EVL: variants seen among roughly 807,000 people sequenced by gnomAD.
EVL encodes Enah/Vasp-like.
A neutral mutation model predicts 59.6 loss-of-function variants in EVL; 21 were observed. The ratio of observed to expected loss-of-function variants is 0.35; its 90% CI spans 0.25 to 0.51. EVL has a LOEUF of 0.51. Ranked by LOEUF, EVL falls within the 20% of genes least tolerant of loss-of-function variation. EVL has a pLI of 0.97. For synonymous variants in EVL, 198 were observed against 203.5 expected, an observed-to-expected ratio of 0.97 and a Z score of 0.23; for missense variants, 462 against 546.6, an observed-to-expected ratio of 0.85 and a Z score of 1.54.
At chr14:99,997,877 C>G (rs1294637906) in intron 1 of EVL, among the ~76,000 whole-genome samples, 1 of 152,110 alleles carries the variant, frequency 6.6e-6, no homozygotes, top group Non-Finnish European at 1.5e-5. Context: ...CTTTCTGTTA[C>G]CAAGCATGAT....
intron 1 of EVL, among the ~76,000 whole-genome samples, chr14:99,978,375 C>T (rs1423140819): frequency 4.4e-5 from 6 of 137,318 alleles, no homozygotes; most frequent in African/African-American, 1.6e-4. Flanking sequence ...GCACTCCAGC[C>T]TGGGCGACAG....
intron 1 of EVL, among the ~76,000 whole-genome samples, chr14:100,045,761 C>A (rs555199372): frequency 2.0e-5 from 3 of 152,318 alleles, no homozygotes; most frequent in African/African-American, 7.2e-5. Flanking sequence ...AAAGCTAAAT[C>A]AGCCAGTGGT....
At chr14:100,029,116 GT>G (rs374954108) in intron 1 of EVL, among the ~76,000 whole-genome samples, 60 of 152,306 alleles carry the variant, frequency 3.9e-4, no homozygotes, top group Non-Finnish European at 7.8e-4. Context: ...CAAATGCCGT[GT>G]TTTAAAACAG....
chr14:100,024,885 C>T (rs1356813372), intron 1 of EVL, among the ~76,000 whole-genome samples: 1 of 152,076 alleles, frequency 6.6e-6, no homozygotes, highest in East Asian at 1.9e-4. Flanking sequence ...CAACTCCTTC[C>T]TTCTAGTTGT....
chr14:100,141,930 C>A (rs1889195441), intron 13 of EVL, 137 bp downstream of exon 13: 3 of 647,616 alleles, frequency 4.6e-6, no homozygotes, highest in South Asian at 6.1e-5. Context: ...TTCATTCTTA[C>A]CATCTCTAGT....
At chr14:100,142,406 C>T (rs934575924) in intron 13 of EVL, among the ~76,000 whole-genome samples, 9 of 152,218 alleles carry the variant, frequency 5.9e-5, no homozygotes, top group Admixed American at 1.3e-4. Flanking sequence ...TGCTCTGCCT[C>T]AGATCTGCAG....
At chr14:100,096,250 C>T (rs1885802662) in intron 2 of EVL, among the ~76,000 whole-genome samples, 1 of 152,200 alleles carries the variant, frequency 6.6e-6, no homozygotes, top group African/African-American at 2.4e-5. Flanking sequence ...AGAGCGTTAT[C>T]CCCAACCTCA....
At chr14:100,055,151 A>G (rs1407344212) in intron 1 of EVL, among the ~76,000 whole-genome samples, 1 of 151,386 alleles carries the variant, frequency 6.6e-6, no homozygotes, top group African/African-American at 2.4e-5. Flanking sequence ...GTGAGCTGAG[A>G]TCGCACCATT....
intron 2 of EVL, among the ~76,000 whole-genome samples, chr14:100,096,163 T>C (rs141720165): frequency 3.4e-3 from 511 of 152,304 alleles, no homozygotes; most frequent in Non-Finnish European, 5.9e-3. Flanking sequence ...GTCACTCATG[T>C]TTGCTGTCCT....
chr14:99,998,339 A>G (rs2060926448), intron 1 of EVL, among the ~76,000 whole-genome samples: 1 of 152,118 alleles, frequency 6.6e-6, no homozygotes, highest in African/African-American at 2.4e-5. Flanking sequence ...TATTATATGC[A>G]TAGTGGTGTT....
intron 1 of EVL, among the ~76,000 whole-genome samples, chr14:100,010,597 A>C (rs561485705): frequency 1.3e-5 from 2 of 152,294 alleles, no homozygotes; most frequent in South Asian, 4.1e-4. Context: ...GGGTTTCGCC[A>C]TGTTGGCCAG....
At chr14:100,132,595 A>G in intron 7 of EVL, 124 bp from the exon 8 acceptor site, 5 of 1,119,014 alleles carry the variant, frequency 4.5e-6, no homozygotes, top group Non-Finnish European at 6.8e-6. Context: ...CCTTCACGCC[A>G]TCGTTTTCCC....
intron 1 of EVL, among the ~76,000 whole-genome samples, chr14:100,001,173 C>T (rs981340251): frequency 6.6e-6 from 1 of 152,208 alleles, no homozygotes; most frequent in Non-Finnish European, 1.5e-5. Flanking sequence ...AAATAGGTTG[C>T]TGTTATTTTC....
chr14:100,014,494 T>C (rs2061037353), intron 1 of EVL, among the ~76,000 whole-genome samples: 1 of 152,232 alleles, frequency 6.6e-6, no homozygotes, highest in Non-Finnish European at 1.5e-5. Context: ...AGTACTCCAC[T>C]GTGTATATGT....
chr14:100,044,598 T>C (rs2061520150), intron 1 of EVL, among the ~76,000 whole-genome samples: 1 of 152,118 alleles, frequency 6.6e-6, no homozygotes, highest in African/African-American at 2.4e-5. Context: ...AATAGACCAT[T>C]GTAATTACAA....
At position 100,087,352 on chromosome 14, in the gene EVL, G is replaced by T. The variant is rs189407549; in HGVS notation, c.180+2497G>T. On this transcript the variant is annotated intron_variant, in intron 2 of 13. Coordinates refer to ENST00000392920, the MANE Select transcript of EVL (RefSeq NM_016337.3). ...AAATGTGGCTGTTGCAGTGGCTCAT[G>T]CCTGTAATCCCAACACTTTGGGAGG... Among the ~76,000 whole-genome samples, 823 of 152,304 alleles carry T rather than the reference G, an allele frequency of 5.4e-3. 7 individuals carry two copies. The highest frequency in any genetic ancestry group is 0.019 in the African/African-American group (774 of 41,556).
At chr14:99,983,633 G>A (rs546635202) in intron 1 of EVL, among the ~76,000 whole-genome samples, 5 of 152,268 alleles carry the variant, frequency 3.3e-5, no homozygotes, top group African/African-American at 1.2e-4. Context: ...TGCTGCTTTT[G>A]TGGAGCTGTG....
chr14:100,031,962 G>A (rs186359346), intron 1 of EVL, among the ~76,000 whole-genome samples: 49 of 152,308 alleles, frequency 3.2e-4, no homozygotes, highest in African/African-American at 8.9e-4. Context: ...GCGCCCCCTC[G>A]CAGGGCTCCC....
chr14:100,143,548 C>T (rs2140414352), intron 13 of EVL, among the ~76,000 whole-genome samples, 153 bp from the exon 14 acceptor site: 1 of 152,306 alleles, frequency 6.6e-6, no homozygotes, highest in East Asian at 1.9e-4. Context: ...TGGTCATCAC[C>T]CCAGAGGTCT....
Sources: gnomAD v4.1 joint callset for allele counts (sites outside exome capture counted in the v4.1 genomes callset) on GRCh38, gnomAD v4.1.1 for gene constraint, MANE v1.5 for transcripts, NCBI Gene and HGNC (gene_info 2026-07-23, HGNC 2026-07-21) for gene names.